Variants in NRXN1 observed in about 807,000 individuals in gnomAD.
NRXN1 encodes neurexin 1.
In NRXN1, 39 loss-of-function variants were observed where a neutral mutation model predicts 150.9. The observed-to-expected ratio is 0.26, with a 90% CI of 0.20 to 0.34. The LOEUF is 0.34. Among genes scored for constraint, NRXN1 ranks in the 10% least tolerant of loss-of-function variants. NRXN1 has a pLI of 1.00. For synonymous variants in NRXN1, 924 were observed against 757.0 expected (o/e 1.22, Z -3.62); for missense variants, 1,815 against 1,949.9 (o/e 0.93, Z 1.30).
chr2:49,992,386 CAA>C (rs35104751), intron 21 of NRXN1, among the ~76,000 whole-genome samples: 2 of 142,118 alleles, frequency 1.4e-5, no homozygotes, highest in African/African-American at 5.1e-5. Flanking sequence ...AAAATACAAA[CAA>C]AAAAAAAACA....
chr2:50,683,646 A>AATATATATATATATAT (rs71225142), intron 5 of NRXN1, among the ~76,000 whole-genome samples: 26 of 14,692 alleles, frequency 1.8e-3, no homozygotes, highest in East Asian at 7.6e-3. Context: ...AAAAAAAAAA[A>AATATATATATATATAT]ATATATATAT....
chr2:50,236,674 A>G, intron 18 of NRXN1, 115 bp downstream of exon 18: 3 of 885,610 alleles, frequency 3.4e-6, no homozygotes, highest in East Asian at 2.6e-5. Context: ...CATATTTCCT[A>G]TAACAAAGTA....
At chr2:50,389,944 T>C (rs1477227032) in intron 17 of NRXN1, among the ~76,000 whole-genome samples, 1 of 152,164 alleles carries the variant, frequency 6.6e-6, no homozygotes, top group Non-Finnish European at 1.5e-5. Flanking sequence ...AAAGGTTAAA[T>C]TAACAAATTA....
intron 18 of NRXN1, among the ~76,000 whole-genome samples, chr2:50,168,105 T>A (rs767439957): frequency 5.3e-5 from 8 of 152,098 alleles, no homozygotes; most frequent in Non-Finnish European, 1.2e-4. Flanking sequence ...TTCCTCTTAA[T>A]AAGAAGGATG....
chr2:50,436,730 A>G (rs1315503851), intron 17 of NRXN1, among the ~76,000 whole-genome samples: 3 of 152,180 alleles, frequency 2.0e-5, no homozygotes, highest in Non-Finnish European at 4.4e-5. Flanking sequence ...TGCTCATCAT[A>G]TTTTGGCTAG....
Position 50,236,987 on chromosome 2 carries a change from A to G in NRXN1, c.3365-17T>C, listed in dbSNP as rs1245101354. Reference sequence around the variant, plus strand: ...TCGTCCCAGCTGGAAAACAAAAACCAAAACCAATTAGTCCAAATACATCAA... The same window carrying G: ...TCGTCCCAGCTGGAAAACAAAAACCGAAACCAATTAGTCCAAATACATCAA... On this transcript the variant is annotated splice_polypyrimidine_tract_variant and intron_variant, in intron 17 of 22. Transcript: ENST00000401669. The G allele has an allele frequency of 6.2e-7, 1 of 1,612,332 alleles. No homozygotes were observed. The highest frequency in any genetic ancestry group is 1.3e-5 in the African/African-American group (1 of 74,842).
intron 5 of NRXN1, among the ~76,000 whole-genome samples, chr2:50,688,396 C>A (rs779793986): frequency 9.2e-5 from 14 of 152,128 alleles, no homozygotes; most frequent in Admixed American, 5.2e-4. Flanking sequence ...CCCTACAGAG[C>A]CCTCCTTATA....
At chr2:50,127,598 T>C (rs1704798604) in intron 18 of NRXN1, among the ~76,000 whole-genome samples, 1 of 152,156 alleles carries the variant, frequency 6.6e-6, no homozygotes, top group African/African-American at 2.4e-5. Context: ...ATGTGCCTTC[T>C]TTACTAGGTG....
intron 21 of NRXN1, among the ~76,000 whole-genome samples, chr2:49,962,537 C>T (rs1676154728): frequency 6.6e-6 from 1 of 152,102 alleles, no homozygotes; most frequent in African/African-American, 2.4e-5. Context: ...CTATGTAACC[C>T]ATTGACCTGG....
chr2:50,001,681 T>C (rs1003829631), intron 21 of NRXN1, among the ~76,000 whole-genome samples: 1 of 152,122 alleles, frequency 6.6e-6, no homozygotes, highest in Non-Finnish European at 1.5e-5. Flanking sequence ...TTAATAAACA[T>C]AAATAAGAGA....
At chr2:51,017,592 A>C (rs1668923784) in intron 2 of NRXN1, among the ~76,000 whole-genome samples, 1 of 135,564 alleles carries the variant, frequency 7.4e-6, no homozygotes, top group African/African-American at 2.8e-5. Flanking sequence ...CTTGGACTCA[A>C]GTGACTCTAT....
chr2:50,347,439 C>T lies in NRXN1; in HGVS notation c.3365-110469G>A. The T allele has an allele frequency of 5.3e-6, 6 of 1,137,942 alleles. No homozygotes were observed. Among genetic ancestry groups the T allele is most frequent in the South Asian group, 1.7e-5 (1 of 58,890 alleles). The allele number at this position is 1,137,942 out of a possible 1,614,324, so 70.5% of individuals were successfully genotyped here. A position where few individuals can be genotyped will look rare whatever the true frequency, so the allele number is the denominator to read the frequency against. On this transcript the variant is annotated intron_variant, in intron 17 of 22. Transcript: ENST00000401669. The surrounding 1 kb of genome is among the most constrained non-coding windows in gnomAD (Gnocchi z 4.9). ...GCGGGGACTAGGGAGGCCACTTCGCCGGCCCAACCTCCTTTCAAGACAGAA... is the reference window on the plus strand; with the variant it reads ...GCGGGGACTAGGGAGGCCACTTCGCTGGCCCAACCTCCTTTCAAGACAGAA...
At chr2:50,139,817 G>A (rs1027124066) in intron 18 of NRXN1, among the ~76,000 whole-genome samples, 9 of 151,992 alleles carry the variant, frequency 5.9e-5, no homozygotes, top group Non-Finnish European at 1.0e-4. Flanking sequence ...ACAGAAAAGA[G>A]TCATCAAGGA....
chr2:50,481,760 CTTTTTTT>C (rs758265489), intron 15 of NRXN1, among the ~76,000 whole-genome samples: 12 of 82,966 alleles, frequency 1.4e-4, no homozygotes, highest in East Asian at 1.1e-3. Flanking sequence ...ACTTTTGTTT[CTTTTTTT>C]TTTTTTTTTT....
intron 21 of NRXN1, among the ~76,000 whole-genome samples, chr2:49,989,733 T>C (rs1036411809): frequency 2.6e-5 from 4 of 152,144 alleles, no homozygotes; most frequent in African/African-American, 9.7e-5. Flanking sequence ...GCTCAATAAA[T>C]CTTATCTATA....
In NRXN1 at chr2:50,366,401, G is replaced by A. The variant is rs2079586550; in HGVS notation, c.3364+99041C>T. Among the ~76,000 whole-genome samples, 4 of 151,564 alleles carry A rather than the reference G, an allele frequency of 2.6e-5. No homozygotes were observed. The South Asian group carries it at 8.3e-4, about 31-fold the overall frequency. ...TATTTTTGGAGTAGCCCTGTCCTTG[G>A]CTCACTAGATGGGGCTATCAACTTA... On this transcript the variant is annotated intron_variant, in intron 17 of 22. Transcript: ENST00000401669.
intron 8 of NRXN1, among the ~76,000 whole-genome samples, chr2:50,601,225 C>T (rs917824804): frequency 1.3e-5 from 2 of 152,112 alleles, no homozygotes; most frequent in African/African-American, 4.8e-5. Flanking sequence ...TATGGAAAAA[C>T]ATGACTACCT....
intron 21 of NRXN1, among the ~76,000 whole-genome samples, chr2:50,047,807 G>T (rs1218763176): frequency 6.6e-6 from 1 of 151,908 alleles, no homozygotes; most frequent in Non-Finnish European, 1.5e-5. Flanking sequence ...GTTCGGTGCA[G>T]AAAAGTCTAA....
intron 17 of NRXN1, among the ~76,000 whole-genome samples, chr2:50,272,776 T>A (rs1016288447): frequency 6.6e-6 from 1 of 152,048 alleles, no homozygotes; most frequent in African/African-American, 2.4e-5. Context: ...GGAAGGATCA[T>A]AAATTTTCCA....
Sources: gnomAD v4.1 joint callset for allele counts (sites outside exome capture counted in the v4.1 genomes callset) on GRCh38, gnomAD v4.1.1 for gene constraint, Gnocchi (gnomAD v3.1) non-coding constraint, MANE v1.5 for transcripts, NCBI Gene and HGNC (gene_info 2026-07-23, HGNC 2026-07-21) for gene names.